NKD2: variants seen among roughly 807,000 people sequenced by gnomAD.
The protein encoded by NKD2 is NKD inhibitor of Wnt signaling pathway 2, also known as protein naked cuticle homolog 2.
Under a neutral mutation model 34.8 loss-of-function variants are expected in NKD2, and 43 were observed. The observed-to-expected ratio is 1.24, with a 90% CI of 0.97 to 1.60. The LOEUF is 1.60. Among genes scored for constraint, NKD2 ranks in the 40% most tolerant of loss-of-function variants. NKD2 has a pLI of 0.00. For missense variants in NKD2, 675 were observed against 627.1 expected (o/e 1.08, Z -0.82); for synonymous variants, 278 against 265.1 (o/e 1.05, Z -0.47).
chr5:1,008,823 G>T lies in NKD2; in HGVS notation c.-235G>T. The stretch of plus-strand genomic sequence containing the variant: ...GCTCAGAGGGAGCCGGGCCGCCGTC[G>T]CTGCCGCCGCTGTCCCCGCGCCCTG... On this transcript the variant is annotated 5_prime_UTR_variant, in exon 1 of 10. Transcript: ENST00000296849. 1 of 259,228 alleles carries T rather than the reference G, an allele frequency of 3.9e-6. No homozygotes were observed. Among genetic ancestry groups the T allele is most frequent in the Non-Finnish European group, 7.2e-6 (1 of 138,880 alleles). The allele number at this position is 259,228 out of a possible 1,614,324, so 16.1% of individuals were successfully genotyped here.
At chr5:1,021,834 C>T (rs955902002) in intron 3 of NKD2, among the ~76,000 whole-genome samples, 7 of 152,082 alleles carry the variant, frequency 4.6e-5, no homozygotes, top group Non-Finnish European at 7.4e-5. Context: ...ATCTGAGCTC[C>T]CAGCAGGGAT....
intron 3 of NKD2, among the ~76,000 whole-genome samples, chr5:1,030,289 G>C (rs1389094996): frequency 1.3e-5 from 2 of 151,522 alleles, no homozygotes; most frequent in African/African-American, 4.9e-5. Flanking sequence ...GGTGGCCTTG[G>C]CCCCCCTCCG....
At chr5:1,032,667 G>T (rs1489566711) in intron 4 of NKD2, among the ~76,000 whole-genome samples, 1 of 152,232 alleles carries the variant, frequency 6.6e-6, no homozygotes, top group Non-Finnish European at 1.5e-5. Context: ...CTGTGGGTCT[G>T]TGGGAGGGTG....
At position 1,034,193 on chromosome 5, in the gene NKD2, G is replaced by A. The variant is rs780254069; in HGVS notation, c.331-42G>A. 56 of 1,451,384 alleles carry A rather than the reference G, an allele frequency of 3.9e-5. 2 individuals are homozygous for A. The highest frequency in any genetic ancestry group is 3.0e-4 in the East Asian group (13 of 43,870). 89.9% of individuals were successfully genotyped at this position (1,451,384 alleles called of 1,614,324 possible). On this transcript the variant is annotated intron_variant, in intron 5 of 9. Transcript: ENST00000296849. Reference sequence around the variant, plus strand: ...CCCCTGTGGAGTTGGGCGTGTTGGCGTGGGTAGGAGGCGAGGTCCCGGCCC... The same window carrying A: ...CCCCTGTGGAGTTGGGCGTGTTGGCATGGGTAGGAGGCGAGGTCCCGGCCC...
rs1381040803 is a variant in NKD2, at chr5:1,038,364, C to T, written c.1347C>T (p.His449=). The change falls in exon 10 of 10, where the codon CAC becomes CAT. Residue 449 remains histidine (H), a synonymous_variant. Coordinates refer to ENST00000296849, the MANE Select transcript of NKD2 (RefSeq NM_033120.4). This position sits in a 1 kb window ranked among gnomAD's most constrained non-coding sequence, Gnocchi z 4.5. The stretch of plus-strand genomic sequence containing the variant: ...ACCACCACCACCACCACCACTTCCA[C>T]CCGTCCTAGCGCCACTGCCAAGCAC... ...HHHHHHHHHF[H]PS The T allele has an allele frequency of 3.3e-6, 5 of 1,535,794 alleles. No individual in the cohort carries two copies. The highest frequency in any genetic ancestry group is 4.4e-6 in the Non-Finnish European group (5 of 1,147,004).
At chr5:1,015,596 G>A (rs1449269622) in intron 3 of NKD2, among the ~76,000 whole-genome samples, 1 of 152,172 alleles carries the variant, frequency 6.6e-6, no homozygotes, top group African/African-American at 2.4e-5. Flanking sequence ...GACACCCCTA[G>A]GGAGTTGGGG....
rs913866947 is a variant in NKD2, at chr5:1,036,115, C to T, written c.660-142C>T. ...ACTTGACTGTCTGTGCCCAGGCGTC[C>T]ACTCTCCTTCCTGCTCTGCGAGGAG... On this transcript the variant is annotated intron_variant, in intron 8 of 9. Transcript: ENST00000296849. 2.1e-5 allele frequency: 29 copies of T among 1,350,456 alleles called. No individual in the cohort carries two copies. The African/African-American group carries it at 4.0e-4, about 19-fold the overall frequency. The allele number at this position is 1,350,456 out of a possible 1,614,324, so 83.7% of individuals were successfully genotyped here.
rs772660856 is a variant in NKD2 at position 1,038,127 on chromosome 5, C to A, written c.1110C>A (p.His370Gln). 6.3e-7 allele frequency: 1 copy of A among 1,592,088 alleles called. No individual in the cohort carries two copies. Among genetic ancestry groups the A allele is most frequent in the Non-Finnish European group, 8.5e-7 (1 of 1,171,496 alleles). Reference protein sequence around the residue: ...VLPPQAPQDGHHLPQPPPPPY... With the variant: ...VLPPQAPQDGQHLPQPPPPPY... ...CGCCCCAGGCCCCTCAGGACGGCCA[C>A]CACCTCCCGCAGCCCCCACCGCCAC... The change falls in exon 10 of 10, where the codon CAC becomes CAA. Residue 370 changes from histidine (H) to glutamine (Q), a missense_variant. His to Gln is a conservative substitution (Grantham distance 24). Transcript: ENST00000296849. The surrounding 1 kb of genome is among the most constrained non-coding windows in gnomAD (Gnocchi z 4.5).
At position 1,038,084 on chromosome 5, in the gene NKD2, ACCTGCCGGCCGT is replaced by A; in HGVS notation, c.1075_1086del (p.Ala359_Pro362del). 1 of 1,606,504 alleles carries A rather than the reference ACCTGCCGGCCGT, an allele frequency of 6.2e-7. No individual in the cohort carries two copies. The highest frequency in any genetic ancestry group is 8.5e-7 in the Non-Finnish European group (1 of 1,178,106). ...AAGTCCGGGAAAGCCTTCAGCTACTACCTGCCGGCCGTCCTGCCGCCCCAGGCCCCTCAGGAC... is the reference window on the plus strand; with the variant it reads ...AAGTCCGGGAAAGCCTTCAGCTACTACCTGCCGCCCCAGGCCCCTCAGGAC... On this transcript the variant is annotated inframe_deletion, in exon 10 of 10. Transcript: ENST00000296849. This position sits in a 1 kb window ranked among gnomAD's most constrained non-coding sequence, Gnocchi z 4.5.
At chr5:1,030,023 G>A (rs561031561) in intron 3 of NKD2, among the ~76,000 whole-genome samples, 2 of 150,602 alleles carry the variant, frequency 1.3e-5, no homozygotes, top group Non-Finnish European at 2.9e-5. Flanking sequence ...TGCGGGGGGG[G>A]GGGTACTGAG....
At chr5:1,034,190 G>A (rs1325215813) in intron 5 of NKD2, 45 bp from the exon 6 acceptor site, 1 of 1,410,924 alleles carries the variant, frequency 7.1e-7, no homozygotes, top group Non-Finnish European at 9.9e-7. Flanking sequence ...TGGGCGTGTT[G>A]GCGTGGGTAG....
intron 3 of NKD2, among the ~76,000 whole-genome samples, chr5:1,019,316 C>A (rs1756081333): frequency 6.6e-6 from 1 of 152,172 alleles, no homozygotes; most frequent in African/African-American, 2.4e-5. Context: ...GATTGTGTGT[C>A]CCGTAACAAA....
At chr5:1,037,447 G>T in intron 9 of NKD2, 1 of 1,323,974 alleles carries the variant, frequency 7.6e-7, no homozygotes, top group Non-Finnish European at 1.0e-6. Flanking sequence ...TTGTAATGAG[G>T]GTTTAGGGGA....
chr5:1,036,286 CGGAGCGGG>C lies in NKD2; in HGVS notation c.692_699del (p.Glu231AlafsTer21). On this transcript the variant is annotated frameshift_variant, in exon 9 of 10. Coordinates refer to ENST00000296849, the MANE Select transcript of NKD2 (RefSeq NM_033120.4). LOFTEE classifies it high-confidence loss of function. ...CCCAGTACTGACCCCCAGCCCTGCT[CGGAGCGGG>C]GGCCCTACTGCGTGGACGAGAACAC... is the stretch of plus-strand genomic sequence containing the variant. 6.2e-7 allele frequency: 1 copy of C among 1,611,492 alleles called. No homozygotes were observed. Among genetic ancestry groups the C allele is most frequent in the Non-Finnish European group, 8.5e-7 (1 of 1,179,116 alleles).
At chr5:1,029,775 C>T (rs1756567656) in intron 3 of NKD2, among the ~76,000 whole-genome samples, 1 of 152,252 alleles carries the variant, frequency 6.6e-6, no homozygotes, top group African/African-American at 2.4e-5. Flanking sequence ...CCTCTGAGTT[C>T]TGGCACTTTC....
At chr5:1,012,310 C>T (rs1755784207) in intron 3 of NKD2, among the ~76,000 whole-genome samples, 1 of 152,254 alleles carries the variant, frequency 6.6e-6, no homozygotes, top group Non-Finnish European at 1.5e-5. Context: ...GTAGCGAACA[C>T]TCGTGACAGA....
chr5:1,009,587 C>A lies in NKD2; in HGVS notation c.141+27C>A. ...TAGGCGGCGGGGCGGAGGCTGGGGT[C>A]GCGCTGCGCACCCGCCCGGGGGCGG... On this transcript the variant is annotated intron_variant, in intron 3 of 9. Transcript: ENST00000296849. The surrounding 1 kb of genome is among the most constrained non-coding windows in gnomAD (Gnocchi z 6.9). 2.8e-6 allele frequency: 4 copies of A among 1,421,360 alleles called. No homozygotes were observed. The highest frequency in any genetic ancestry group is 1.5e-5 in the South Asian group (1 of 67,040). The allele number at this position is 1,421,360 out of a possible 1,614,324, so 88.0% of individuals were successfully genotyped here.
chr5:1,028,304 A>C (rs1378577645), intron 3 of NKD2, among the ~76,000 whole-genome samples: 2 of 152,130 alleles, frequency 1.3e-5, no homozygotes, highest in Non-Finnish European at 2.9e-5. Flanking sequence ...CCTGAAGCAA[A>C]GGCTACCTGT....
intron 3 of NKD2, among the ~76,000 whole-genome samples, chr5:1,024,755 C>T (rs373580984): frequency 0.1 from 1,255 of 12,402 alleles, 3 homozygotes; most frequent in Non-Finnish European, 0.32. Flanking sequence ...CTCTTCCCAC[C>T]CTCTGTGGGC....
Sources: allele counts gnomAD v4.1 joint callset (sites outside exome capture counted in the v4.1 genomes callset), GRCh38; gene constraint gnomAD v4.1.1; non-coding constraint Gnocchi (gnomAD v3.1); transcripts MANE v1.5; gene names NCBI Gene and HGNC (gene_info 2026-07-23, HGNC 2026-07-21).